MAGI2: variants seen among roughly 807,000 people sequenced by gnomAD.
MAGI2 encodes membrane-associated guanylate kinase, WW and PDZ domain-containing protein 2.
Under a neutral mutation model 133.3 loss-of-function variants are expected in MAGI2, and 35 were observed. The observed-to-expected ratio is 0.26, with a 90% CI of 0.20 to 0.35. The LOEUF is 0.35. Among genes scored for constraint, MAGI2 ranks in the 10% least tolerant of loss-of-function variants. The pLI is 1.00. For missense variants in MAGI2, 1,636 were observed against 1,863.4 expected (o/e 0.88, Z 2.25); for synonymous variants, 729 against 710.6 (o/e 1.03, Z -0.41).
chr7:78,729,375 C>G (rs1821148415), intron 2 of MAGI2, among the ~76,000 whole-genome samples: 1 of 152,158 alleles, frequency 6.6e-6, no homozygotes, highest in South Asian at 2.1e-4. Flanking sequence ...AGAAGACATT[C>G]ATCTATCTAA....
At chr7:78,232,579 T>A (rs1359757248) in intron 10 of MAGI2, among the ~76,000 whole-genome samples, 3 of 152,188 alleles carry the variant, frequency 2.0e-5, no homozygotes, top group Non-Finnish European at 4.4e-5. Flanking sequence ...ATTAAAGGAC[T>A]AGGCATCTTC....
At chr7:78,895,246 T>C (rs535652577) in intron 2 of MAGI2, among the ~76,000 whole-genome samples, 1 of 152,306 alleles carries the variant, frequency 6.6e-6, no homozygotes, top group East Asian at 1.9e-4. Context: ...CTCAGGACTC[T>C]GCAGATAGTA....
chr7:78,126,687 C>T (rs139166754), intron 19 of MAGI2, among the ~76,000 whole-genome samples: 201 of 152,288 alleles, frequency 1.3e-3, no homozygotes, highest in African/African-American at 4.5e-3. Context: ...GAGTTGTTGG[C>T]TGTGGCAGGC....
intron 2 of MAGI2, among the ~76,000 whole-genome samples, chr7:78,715,360 G>C (rs1214403851): frequency 1.3e-5 from 2 of 152,262 alleles, no homozygotes; most frequent in East Asian, 3.9e-4. Context: ...GAATATTTTA[G>C]TAAACTCTAC....
At chr7:78,038,886 C>T (rs575165083) in intron 21 of MAGI2, among the ~76,000 whole-genome samples, 3 of 152,358 alleles carry the variant, frequency 2.0e-5, no homozygotes, top group African/African-American at 7.2e-5. Context: ...GCCAAACTCA[C>T]GTCACGTTAC....
chr7:78,896,636 C>T (rs1158112139), intron 2 of MAGI2, among the ~76,000 whole-genome samples: 1 of 151,560 alleles, frequency 6.6e-6, no homozygotes, highest in African/African-American at 2.4e-5. Flanking sequence ...CGTGCAATCT[C>T]GGCTCACTGC....
At chr7:78,363,424 C>T (rs1417418000) in intron 7 of MAGI2, among the ~76,000 whole-genome samples, 5 of 151,922 alleles carry the variant, frequency 3.3e-5, no homozygotes, top group African/African-American at 9.7e-5. Context: ...ACCCGGGAGG[C>T]GGAGCCTGTG....
At chr7:78,909,670 AC>A (rs1488426198) in intron 2 of MAGI2, among the ~76,000 whole-genome samples, 1 of 151,798 alleles carries the variant, frequency 6.6e-6, no homozygotes, top group African/African-American at 2.4e-5. Context: ...AGAAATAGGA[AC>A]ACTTTTACAC....
chr7:79,257,812 G>A (rs1001233976), intron 1 of MAGI2, among the ~76,000 whole-genome samples: 1 of 151,976 alleles, frequency 6.6e-6, no homozygotes, highest in Non-Finnish European at 1.5e-5. Flanking sequence ...CGAGAAAAAG[G>A]AATAAATAAG....
chr7:78,673,986 A>G (rs1472809649), intron 2 of MAGI2, among the ~76,000 whole-genome samples: 3 of 152,350 alleles, frequency 2.0e-5, no homozygotes, highest in South Asian at 2.1e-4. Flanking sequence ...TAAAGCAACT[A>G]TAAATCAAAC....
intron 2 of MAGI2, among the ~76,000 whole-genome samples, chr7:78,677,588 G>A (rs1815183982): frequency 6.6e-6 from 1 of 151,802 alleles, no homozygotes; most frequent in South Asian, 2.1e-4. Flanking sequence ...GGCATTACAT[G>A]CAAGGCTTTG....
At chr7:78,890,866 A>G (rs1796685899) in intron 2 of MAGI2, among the ~76,000 whole-genome samples, 1 of 152,184 alleles carries the variant, frequency 6.6e-6, no homozygotes, top group African/African-American at 2.4e-5. Flanking sequence ...AAGGCAAGAA[A>G]TAACTAAGAT....
intron 2 of MAGI2, among the ~76,000 whole-genome samples, chr7:78,679,676 A>C (rs531128966): frequency 6.6e-6 from 1 of 152,310 alleles, no homozygotes; most frequent in African/African-American, 2.4e-5. Context: ...GCTATTCTGG[A>C]GTTTACACGT....
chr7:78,932,862 G>C (rs1171913448), intron 2 of MAGI2, among the ~76,000 whole-genome samples: 1 of 152,100 alleles, frequency 6.6e-6, no homozygotes, highest in Non-Finnish European at 1.5e-5. Context: ...CTGTCTTCAT[G>C]TTATTGACCA....
At chr7:78,251,078 C>T (rs558348470) in intron 10 of MAGI2, among the ~76,000 whole-genome samples, 1 of 152,162 alleles carries the variant, frequency 6.6e-6, no homozygotes, top group South Asian at 2.1e-4. Flanking sequence ...TAAATTAGTT[C>T]AATAACTAAA....
intron 2 of MAGI2, among the ~76,000 whole-genome samples, chr7:78,840,575 C>G (rs1476038411): frequency 6.6e-6 from 1 of 152,088 alleles, no homozygotes; most frequent in South Asian, 2.1e-4. Context: ...ATGTTTTCAG[C>G]TGCTATCTAG....
rs139911635 is a variant in MAGI2, at chr7:78,995,709, GCTTTT to G, written c.418+11376_418+11380del. Among the ~76,000 whole-genome samples the G allele has an allele frequency of 8.9e-4, 136 of 152,108 alleles. No homozygotes were observed. The East Asian group carries it at 0.013, about 15-fold the overall frequency. ...ATGTCTGTTGCTGGTAGACTTCATT[GCTTTT>G]CTTTTCTTTTCTTTTCTTTTTTACC... is the stretch of plus-strand genomic sequence containing the variant. On this transcript the variant is annotated intron_variant, in intron 2 of 21. Coordinates refer to ENST00000354212, the MANE Select transcript of MAGI2 (RefSeq NM_012301.4).
chr7:78,556,633 C>A (rs1307224334), intron 3 of MAGI2, among the ~76,000 whole-genome samples: 2 of 152,098 alleles, frequency 1.3e-5, no homozygotes, highest in South Asian at 2.1e-4. Flanking sequence ...TGTCTAGAAC[C>A]AATGCTAAGA....
chr7:79,342,426 T>C (rs17152290), intron 1 of MAGI2, among the ~76,000 whole-genome samples: 27,253 of 152,214 alleles, frequency 0.18, 2,813 homozygotes, highest in African/African-American at 0.27. Flanking sequence ...TGTGTCCCAA[T>C]ATCCCTTACA....
Sources: allele counts gnomAD v4.1 joint callset (sites outside exome capture counted in the v4.1 genomes callset), GRCh38; gene constraint gnomAD v4.1.1; transcripts MANE v1.5; gene names NCBI Gene and HGNC (gene_info 2026-07-23, HGNC 2026-07-21).